Variants in AKAP9 observed in about 807,000 individuals in gnomAD.
AKAP9 encodes the protein A-kinase anchoring protein 9.
AKAP9 carries 311 observed loss-of-function variants against 488.5 expected under a neutral mutation model. The observed-to-expected ratio is 0.64, with a 90% CI of 0.58 to 0.70. The LOEUF (loss-of-function observed/expected upper bound fraction) is 0.70, where lower values mean the gene tolerates loss of function less well. Among genes scored for constraint, AKAP9 ranks in the 30% least tolerant of loss-of-function variants. The probability of loss-of-function intolerance (pLI) is 0.00; values close to 1 mark genes in which losing one functional copy is unlikely to be tolerated. For synonymous variants in AKAP9, 1,462 were observed against 1,483.5 expected (o/e 0.99, Z 0.33); for missense variants, 4,215 against 4,374.5 (o/e 0.96, Z 1.03).
chr7:92,102,666 C>T lies in AKAP9; in HGVS notation c.11170C>T (p.Leu3724=), dbSNP rs901566389. The T allele has an allele frequency of 6.2e-7, 1 of 1,614,206 alleles. No homozygotes were observed. ...CATTTACCAGAAGAAATACCTGCTG[C>T]TGTTACTGGGTGGGTTCCAGGAATG... ...ALIYQKKYLL[L]LLGGFQECED... is the part of the protein sequence containing the mutation. Residue 3724 remains leucine, a synonymous_variant, in exon 46 of 50, where the codon CTG becomes TTG. Transcript: ENST00000356239.
At position 91,964,528 on chromosome 7, in the gene AKAP9, A is replaced by G. The variant is rs530953740; in HGVS notation, c.49-9183A>G. On this transcript the variant is annotated intron_variant, in intron 1 of 49. Transcript: ENST00000356239. ...CACTATTTGGGTAATGCCTACCCTA[A>G]AAACTCAGACTTCACCACTATGTAA... is the stretch of plus-strand genomic sequence containing the variant. Among the ~76,000 whole-genome samples, 11 of 152,302 alleles carry G rather than the reference A, an allele frequency of 7.2e-5. No homozygotes were observed. In the South Asian group the frequency reaches 1.0e-3, roughly 14 times the overall value.
At chr7:92,098,069 T>G in intron 42 of AKAP9, 40 bp from the exon 43 acceptor site, 1 of 1,349,566 alleles carries the variant, frequency 7.4e-7, no homozygotes, top group Non-Finnish European at 1.1e-6. Context: ...ACACCCCCAA[T>G]TGAGAAGGTA....
At chr7:92,086,670 A>G (rs1024674248) in intron 37 of AKAP9, among the ~76,000 whole-genome samples, 2 of 152,210 alleles carry the variant, frequency 1.3e-5, no homozygotes, top group African/African-American at 4.8e-5. Context: ...GAGAGAGTAA[A>G]TTCTCATTAT....
chr7:91,982,846 A>T (rs971714882), intron 3 of AKAP9, among the ~76,000 whole-genome samples: 39 of 152,150 alleles, frequency 2.6e-4, no homozygotes, highest in African/African-American at 8.7e-4. Flanking sequence ...CCTCTCCAGC[A>T]TCTGTTGTCT....
At chr7:92,109,759 T>TG (rs1311189876) in intron 49 of AKAP9, among the ~76,000 whole-genome samples, 1 of 152,154 alleles carries the variant, frequency 6.6e-6, no homozygotes, top group Non-Finnish European at 1.5e-5. Flanking sequence ...GAGACTAGCC[T>TG]GGCCAACATG....
chr7:91,965,507 A>G (rs997367477), intron 1 of AKAP9, among the ~76,000 whole-genome samples: 1 of 152,326 alleles, frequency 6.6e-6, no homozygotes, highest in Middle Eastern at 3.4e-3. Context: ...GAATGCAGCT[A>G]TCTCCTTTGT....
intron 17 of AKAP9, 73 bp from the exon 18 acceptor site, chr7:92,040,601 A>G (rs1317058115): frequency 1.9e-6 from 2 of 1,075,226 alleles, no homozygotes. Flanking sequence ...TTTGTTTACA[A>G]TATTAATGCT....
At chr7:92,084,436 T>C (rs991578747) in intron 33 of AKAP9, among the ~76,000 whole-genome samples, 1 of 152,110 alleles carries the variant, frequency 6.6e-6, no homozygotes, top group Non-Finnish European at 1.5e-5. Context: ...ATGTTATCTT[T>C]CCTTAATTCA....
intron 3 of AKAP9, among the ~76,000 whole-genome samples, chr7:91,982,999 T>C (rs1022670229): frequency 2.6e-5 from 4 of 152,236 alleles, no homozygotes; most frequent in Admixed American, 2.0e-4. Flanking sequence ...GAGAAGTGTC[T>C]GTTCATATCC....
At chr7:92,110,017 A>G in intron 49 of AKAP9, 105 bp from the exon 50 acceptor site, 2 of 910,158 alleles carry the variant, frequency 2.2e-6, no homozygotes, top group East Asian at 2.6e-5. Flanking sequence ...AGGGCTTTAA[A>G]AAAATGGAGA....
intron 14 of AKAP9, among the ~76,000 whole-genome samples, chr7:92,026,344 TTC>T (rs553250558): frequency 7.2e-4 from 110 of 152,270 alleles, no homozygotes; most frequent in South Asian, 1.7e-3. Flanking sequence ...CTCTTCTCTC[TTC>T]TCTCTCTTTC....
intron 21 of AKAP9, 92 bp from the exon 22 acceptor site, chr7:92,052,634 A>G: frequency 1.1e-6 from 1 of 881,954 alleles, no homozygotes. Context: ...TACAATTTCC[A>G]TGATTTCCAG....
rs1813175806 is a variant in AKAP9 at position 92,079,565 on chromosome 7, G to A, written c.7432G>A (p.Glu2478Lys). 6.2e-7 allele frequency: 1 copy of A among 1,613,584 alleles called. No individual in the cohort carries two copies. Among genetic ancestry groups the A allele is most frequent in the African/African-American group, 1.3e-5 (1 of 74,912 alleles). The change falls in exon 31 of 50, where the codon GAA becomes AAA. Residue 2478 changes from glutamate to lysine, a missense_variant. By Grantham distance (56) the Glu-to-Lys change is moderately conservative. Transcript: ENST00000356239. ...VLTEDALKSL[E>K]NQTYFKSFEE... ...TACAGAGGATGCTCTTAAATCCCTA[G>A]AAAATCAGACATACTTCAAATCTTT...
At position 92,038,804 on chromosome 7, in the gene AKAP9, A is replaced by C. The variant is rs755357287; in HGVS notation, c.4692+32A>C. ...ATGCCTCCTTGAATATAAAAAACTT[A>C]TTTAAAAATTGTGAATTCTTTCACT... On this transcript the variant is annotated intron_variant, in intron 17 of 49. Coordinates refer to ENST00000356239, the MANE Select transcript of AKAP9 (RefSeq NM_005751.5). The C allele has an allele frequency of 3.4e-6, 5 of 1,459,146 alleles. No homozygotes were observed. The East Asian group carries it at 1.1e-4, about 33-fold the overall frequency. 90.4% of individuals were successfully genotyped at this position (1,459,146 alleles called of 1,614,324 possible).
chr7:92,093,614 C>T (rs1816024698), intron 39 of AKAP9, among the ~76,000 whole-genome samples: 2 of 152,184 alleles, frequency 1.3e-5, no homozygotes, highest in South Asian at 2.1e-4. Context: ...TTTATGAACG[C>T]AGTAGAATTC....
rs939919411 is a variant in AKAP9 at position 92,033,586 on chromosome 7, C to CA, written c.4338+1983dup. 1.2e-4 allele frequency among the ~76,000 whole-genome samples: 18 copies of CA among 152,050 alleles called. 1 individual carries two copies. The highest frequency in any genetic ancestry group is 3.9e-4 in the African/African-American group (16 of 41,468). The stretch of plus-strand genomic sequence containing the variant: ...TGAGCCTCCCAAGTAGCTGGTACTA[C>CA]AGGTGTGCACCACCACCCCAGCTAA... On this transcript the variant is annotated intron_variant, in intron 16 of 49. Transcript: ENST00000356239.
chr7:91,990,890 G>A (rs1462998556), intron 3 of AKAP9, among the ~76,000 whole-genome samples: 2 of 152,156 alleles, frequency 1.3e-5, no homozygotes, highest in Non-Finnish European at 2.9e-5. Context: ...CAATTCATAA[G>A]TTTTAAATTG....
intron 16 of AKAP9, among the ~76,000 whole-genome samples, chr7:92,033,895 G>A (rs1489104346): frequency 6.6e-6 from 1 of 152,210 alleles, no homozygotes; most frequent in African/African-American, 2.4e-5. Flanking sequence ...TCTGGGTGCT[G>A]AAGTATAACA....
At chr7:92,101,104 G>T in intron 45 of AKAP9, 48 bp downstream of exon 45, 1 of 1,575,492 alleles carries the variant, frequency 6.3e-7, no homozygotes. Context: ...CTATGTTTTT[G>T]CCTTCTTTCA....
Sources: allele counts gnomAD v4.1 joint callset (sites outside exome capture counted in the v4.1 genomes callset), GRCh38; gene constraint gnomAD v4.1.1; transcripts MANE v1.5; gene names NCBI Gene and HGNC (gene_info 2026-07-23, HGNC 2026-07-21).